ASIC2: variants seen among roughly 807,000 people sequenced by gnomAD.
ASIC2 encodes acid sensing ion channel subunit 2, also known as acid-sensing ion channel 2.
ASIC2 carries 25 observed loss-of-function variants against 57.3 expected under a neutral mutation model. The observed-to-expected ratio is 0.44, with a 90% confidence interval of 0.32 to 0.61. ASIC2 has a LOEUF of 0.61. Ranked by LOEUF, ASIC2 falls within the 20% of genes least tolerant of loss-of-function variation. The pLI is 0.06. For synonymous variants in ASIC2, 319 were observed against 307.5 expected (o/e 1.04, Z -0.39); for missense variants, 641 against 738.1 (o/e 0.87, Z 1.52).
chr17:33,794,684 G>A (rs1243536468), intron 1 of ASIC2: 4 of 152,104 alleles, frequency 2.6e-5, no homozygotes, highest in South Asian at 2.1e-4. Context: ...TGAGCCCTCC[G>A]AGGCCATTAA....
At chr17:33,037,097 C>T (rs1244714444) in intron 3 of ASIC2, among the ~76,000 whole-genome samples, 1 of 131,402 alleles carries the variant, frequency 7.6e-6, no homozygotes, top group Admixed American at 8.5e-5. Flanking sequence ...ACCCTCAAAC[C>T]CCAAATTAAA....
intron 1 of ASIC2, among the ~76,000 whole-genome samples, chr17:33,916,013 C>T (rs372664803): frequency 6.6e-6 from 1 of 152,128 alleles, no homozygotes; most frequent in South Asian, 2.1e-4. Context: ...GGTGTTTCTT[C>T]CTTCTTCCAG....
At chr17:33,225,519 T>C (rs532890999) in intron 1 of ASIC2, among the ~76,000 whole-genome samples, 1 of 152,344 alleles carries the variant, frequency 6.6e-6, no homozygotes, top group African/African-American at 2.4e-5. Flanking sequence ...AAATCATTAA[T>C]AAGAGTAAGC....
At chr17:33,319,967 G>A (rs965771262) in intron 1 of ASIC2, among the ~76,000 whole-genome samples, 3 of 152,100 alleles carry the variant, frequency 2.0e-5, no homozygotes. Context: ...AAATCTTTGG[G>A]GAAGGAGCTA....
chr17:33,445,005 C>A (rs980786915), intron 1 of ASIC2, among the ~76,000 whole-genome samples: 3 of 152,240 alleles, frequency 2.0e-5, no homozygotes, highest in African/African-American at 7.2e-5. Context: ...GTGACAGACA[C>A]TGTTTGACCT....
chr17:33,225,075 G>A (rs1413848920), intron 1 of ASIC2, among the ~76,000 whole-genome samples: 2 of 152,172 alleles, frequency 1.3e-5, no homozygotes, highest in Non-Finnish European at 2.9e-5. Context: ...CACCTCCTGA[G>A]TATGAACAGG....
At chr17:33,103,640 G>A (rs1218774001) in intron 2 of ASIC2, among the ~76,000 whole-genome samples, 1 of 152,118 alleles carries the variant, frequency 6.6e-6, no homozygotes, top group Non-Finnish European at 1.5e-5. Flanking sequence ...AAGGCTTCCT[G>A]ACTGTCATTA....
At chr17:33,266,711 G>A (rs1909475745) in intron 1 of ASIC2, among the ~76,000 whole-genome samples, 1 of 152,068 alleles carries the variant, frequency 6.6e-6, no homozygotes, top group African/African-American at 2.4e-5. Context: ...CTATGATTAA[G>A]CTGCCTTTTA....
chr17:33,344,957 G>A (rs971348164), intron 1 of ASIC2, among the ~76,000 whole-genome samples: 2 of 151,512 alleles, frequency 1.3e-5, no homozygotes, highest in Non-Finnish European at 2.9e-5. Context: ...GCTGGGGACA[G>A]CGGCTTGAAT....
At chr17:33,207,225 G>A (rs373448467) in intron 1 of ASIC2, among the ~76,000 whole-genome samples, 5 of 152,316 alleles carry the variant, frequency 3.3e-5, no homozygotes, top group Admixed American at 2.6e-4. Context: ...GGTGAACGGC[G>A]CTTTATCCTA....
chr17:33,969,437 G>A (rs531266404), intron 1 of ASIC2, among the ~76,000 whole-genome samples: 1 of 152,294 alleles, frequency 6.6e-6, no homozygotes, highest in African/African-American at 2.4e-5. Flanking sequence ...CTCTTGGGCT[G>A]GGCTGTCTCA....
chr17:33,873,323 G>A (rs1914467774), intron 1 of ASIC2, among the ~76,000 whole-genome samples: 1 of 152,224 alleles, frequency 6.6e-6, no homozygotes. Context: ...ACTTCAGAGA[G>A]TGATAAGTGC....
intron 1 of ASIC2, among the ~76,000 whole-genome samples, chr17:33,861,255 C>T (rs542083325): frequency 2.3e-4 from 35 of 152,100 alleles, no homozygotes; most frequent in African/African-American, 7.0e-4. Context: ...TAAGGAATTT[C>T]GAATAACGTA....
At position 33,570,537 on chromosome 17, in the gene ASIC2, T is replaced by C. The variant is rs187133748; in HGVS notation, c.556-458470A>G. Among the ~76,000 whole-genome samples the C allele has an allele frequency of 2.3e-4, 35 of 152,344 alleles. No individual in the cohort carries two copies. In the East Asian group the frequency reaches 5.2e-3, roughly 23 times the overall value. Reference sequence around the variant, plus strand: ...TGCAACCTGTCCCCTTACCCCAAATTTGATGAGCATTTTCTGTGAATTGAT... The same window carrying C: ...TGCAACCTGTCCCCTTACCCCAAATCTGATGAGCATTTTCTGTGAATTGAT... On this transcript the variant is annotated intron_variant, in intron 1 of 9. Transcript: ENST00000359872.
chr17:33,947,254 A>C (rs72821041), intron 1 of ASIC2, among the ~76,000 whole-genome samples: 16,011 of 152,222 alleles, frequency 0.11, 1,001 homozygotes, highest in Middle Eastern at 0.18. Flanking sequence ...CCCTCCCTCT[A>C]GGCATGAGTA....
intron 1 of ASIC2, among the ~76,000 whole-genome samples, chr17:33,381,760 C>A (rs1909496891): frequency 6.6e-6 from 1 of 152,210 alleles, no homozygotes; most frequent in Admixed American, 6.5e-5. Flanking sequence ...TAGGTCATGG[C>A]AAAGTCAGGC....
At chr17:33,920,684 G>C (rs1915690551) in intron 1 of ASIC2, among the ~76,000 whole-genome samples, 2 of 152,148 alleles carry the variant, frequency 1.3e-5, no homozygotes, top group Non-Finnish European at 2.9e-5. Flanking sequence ...TAACAAACCT[G>C]CACATGTACC....
intron 1 of ASIC2, among the ~76,000 whole-genome samples, chr17:33,845,658 A>C (rs1398881820): frequency 6.6e-6 from 1 of 152,218 alleles, no homozygotes; most frequent in Non-Finnish European, 1.5e-5. Flanking sequence ...TACCTGCCAG[A>C]TAGAGGCACC....
intron 1 of ASIC2, among the ~76,000 whole-genome samples, chr17:34,055,321 G>T (rs1267960146): frequency 6.6e-6 from 1 of 152,110 alleles, no homozygotes; most frequent in African/African-American, 2.4e-5. Flanking sequence ...CCATCACCCA[G>T]ATTCAACAAA....
Sources: allele counts gnomAD v4.1 joint callset (sites outside exome capture counted in the v4.1 genomes callset), GRCh38; gene constraint gnomAD v4.1.1; transcripts MANE v1.5; gene names NCBI Gene and HGNC (gene_info 2026-07-23, HGNC 2026-07-21).